The following SMARCA5 variants were observed in gnomAD, a reference collection of about 807,000 sequenced individuals.
SMARCA5 encodes the protein SWI/SNF-related matrix-associated actin-dependent regulator of chromatin subfamily A member 5.
In SMARCA5, 18 loss-of-function variants were observed where a neutral mutation model predicts 140.4. The ratio of observed to expected loss-of-function variants is 0.13; its 90% CI spans 0.09 to 0.19. SMARCA5 has a LOEUF of 0.19. SMARCA5 is among the 10% of genes least tolerant of loss of function. The probability of loss-of-function intolerance (pLI) is 1.00; values close to 1 mark genes in which losing one functional copy is unlikely to be tolerated. For synonymous variants in SMARCA5, 449 were observed against 419.6 expected (o/e 1.07, Z -0.86); for missense variants, 606 against 1,276.8 (o/e 0.47, Z 8.01).
rs1578805816 is a variant in SMARCA5 at position 143,548,259 on chromosome 4, A to C, written c.2985+119A>C. 5 of 588,288 alleles carry C rather than the reference A, an allele frequency of 8.5e-6. 1 individual carries two copies. The East Asian group carries it at 1.4e-4, about 16-fold the overall frequency. The allele number at this position is 588,288 out of a possible 1,614,324, so 36.4% of individuals were successfully genotyped here. A position where few individuals can be genotyped will look rare whatever the true frequency, so the allele number is the denominator to read the frequency against. ...AGTAGACTTTTGTTACAATATTGTTAGTATCATAAAACCTAATACCAGGGA... is the reference window on the plus strand; with the variant it reads ...AGTAGACTTTTGTTACAATATTGTTCGTATCATAAAACCTAATACCAGGGA... On this transcript the variant is annotated intron_variant, in intron 22 of 23. Coordinates refer to ENST00000283131, the MANE Select transcript of SMARCA5 (RefSeq NM_003601.4).
chr4:143,517,435 T>A lies in SMARCA5; in HGVS notation c.252+6T>A. 6.3e-7 allele frequency: 1 copy of A among 1,591,406 alleles called. No homozygotes were observed. The highest frequency in any genetic ancestry group is 8.6e-7 in the Non-Finnish European group (1 of 1,167,598). On this transcript the variant is annotated splice_donor_region_variant and intron_variant, in intron 2 of 23. Coordinates refer to ENST00000283131, the MANE Select transcript of SMARCA5 (RefSeq NM_003601.4). ...CTACCTATGAAGAAAAAATGGTATGTTCTAGGCTTGTGAATAGAGTCTATA... is the reference window on the plus strand; with the variant it reads ...CTACCTATGAAGAAAAAATGGTATGATCTAGGCTTGTGAATAGAGTCTATA...
At chr4:143,538,483 GT>G in intron 11 of SMARCA5, 106 bp from the exon 12 acceptor site, 1 of 835,114 alleles carries the variant, frequency 1.2e-6, no homozygotes, top group Non-Finnish European at 1.9e-6. Flanking sequence ...TTGTAACCAA[GT>G]AGGTAGCTTT....
At chr4:143,515,619 A>C (rs1736813088) in intron 1 of SMARCA5, among the ~76,000 whole-genome samples, 1 of 152,226 alleles carries the variant, frequency 6.6e-6, no homozygotes. Context: ...AGTAATTTTA[A>C]GCCTAAAGCA....
intron 9 of SMARCA5, among the ~76,000 whole-genome samples, chr4:143,530,923 C>T (rs772131262): frequency 1.3e-5 from 2 of 152,198 alleles, no homozygotes; most frequent in Non-Finnish European, 2.9e-5. Flanking sequence ...CAAGCAGTCT[C>T]TCCCCATTCA....
chr4:143,549,665 A>G (rs1737603493), intron 22 of SMARCA5, among the ~76,000 whole-genome samples: 1 of 152,102 alleles, frequency 6.6e-6, no homozygotes, highest in African/African-American at 2.4e-5. Context: ...TAAGTTTTGG[A>G]TATAAGTAGC....
intron 11 of SMARCA5, 151 bp downstream of exon 11, chr4:143,536,829 C>G: frequency 1.6e-6 from 1 of 628,530 alleles, no homozygotes; most frequent in African/African-American, 1.8e-5. Flanking sequence ...GAGCTCTAAC[C>G]CCCACTCCTG....
chr4:143,525,534 A>G lies in SMARCA5; in HGVS notation c.604A>G (p.Ile202Val), dbSNP rs1303961293. The change falls in exon 5 of 24, where the codon ATC becomes GTC. Residue 202 changes from isoleucine (I) to valine (V), a missense_variant. Ile to Val is a conservative substitution (Grantham distance 29). Coordinates refer to ENST00000283131, the MANE Select transcript of SMARCA5 (RefSeq NM_003601.4). ...TTTGTATGAGAATGGCATCAATGGTATCCTTGCAGATGAAATGGTATGTGT... is the reference window on the plus strand; with the variant it reads ...TTTGTATGAGAATGGCATCAATGGTGTCCTTGCAGATGAAATGGTATGTGT... ...ISLYENGINGILADEMGLGKT... is the reference protein window; with the variant it reads ...ISLYENGINGVLADEMGLGKT... 13 of 1,608,468 alleles carry G rather than the reference A, an allele frequency of 8.1e-6. No homozygotes were observed. The highest frequency in any genetic ancestry group is 1.3e-5 in the African/African-American group (1 of 74,806).
At chr4:143,549,399 C>T (rs1023872629) in intron 22 of SMARCA5, among the ~76,000 whole-genome samples, 8 of 152,000 alleles carry the variant, frequency 5.3e-5, no homozygotes, top group Non-Finnish European at 8.8e-5. Flanking sequence ...AGATGGACTT[C>T]TGTTTCTTTC....
At chr4:143,514,346 A>C in intron 1 of SMARCA5, 1 of 479,580 alleles carries the variant, frequency 2.1e-6, no homozygotes, top group East Asian at 3.6e-5. Context: ...AATCCTGACA[A>C]ATATTTGAAC....
At chr4:143,533,786 G>A (rs1040932277) in intron 9 of SMARCA5, among the ~76,000 whole-genome samples, 21 of 152,184 alleles carry the variant, frequency 1.4e-4, no homozygotes, top group Middle Eastern at 6.8e-3. Flanking sequence ...CCATTCTTAG[G>A]CACTGTTAGA....
In SMARCA5 at chr4:143,547,432, A is replaced by G. The variant is rs1181658339; in HGVS notation, c.2701A>G (p.Met901Val). Residue 901 changes from methionine (M) to valine (V), a missense_variant, in exon 21 of 24, where the codon ATG becomes GTG. Transcript: ENST00000283131. The part of the protein sequence containing the change: ...CNELQDIEKI[M>V]AQIERGEARI... ...CGAGCTCCAGGACATAGAGAAGATT[A>G]TGGCTCAGATTGAAAGGGGAGAGGC... 1 of 1,610,904 alleles carries G rather than the reference A, an allele frequency of 6.2e-7. No individual in the cohort carries two copies. The highest frequency in any genetic ancestry group is 2.2e-5 in the East Asian group (1 of 44,798).
At chr4:143,520,312 A>G (rs747145004) in intron 2 of SMARCA5, among the ~76,000 whole-genome samples, 12 of 152,224 alleles carry the variant, frequency 7.9e-5, no homozygotes, top group Non-Finnish European at 1.6e-4. Context: ...CTTTAAAAAC[A>G]GTCTGTAATC....
chr4:143,525,197 C>T (rs1160220012), intron 4 of SMARCA5, among the ~76,000 whole-genome samples: 1 of 152,018 alleles, frequency 6.6e-6, no homozygotes, highest in Non-Finnish European at 1.5e-5. Flanking sequence ...ATATGGGTAA[C>T]GTAAGAACTG....
chr4:143,513,702 G>T lies in SMARCA5; in HGVS notation c.-223G>T. 1.8e-6 allele frequency: 1 copy of T among 564,322 alleles called. No homozygotes were observed. Among genetic ancestry groups the T allele is most frequent in the South Asian group, 2.2e-5 (1 of 45,482 alleles). The allele number at this position is 564,322 out of a possible 1,614,324, so 35.0% of individuals were successfully genotyped here. Reference sequence around the variant, plus strand: ...ACGTGATTCCCGCCGTGAGGTAAGCGCCGGTGGAACCTAGAGCCCCGCGGA... The same window carrying T: ...ACGTGATTCCCGCCGTGAGGTAAGCTCCGGTGGAACCTAGAGCCCCGCGGA... On this transcript the variant is annotated 5_prime_UTR_variant, in exon 1 of 24. Coordinates refer to ENST00000283131, the MANE Select transcript of SMARCA5 (RefSeq NM_003601.4).
chr4:143,514,377 C>T (rs1404008774), intron 1 of SMARCA5: 8 of 400,824 alleles, frequency 2.0e-5, no homozygotes, highest in Non-Finnish European at 2.7e-5. Context: ...AACAGATGTT[C>T]TTGGTTACCG....
intron 10 of SMARCA5, among the ~76,000 whole-genome samples, chr4:143,536,104 A>G (rs774015049): frequency 1.3e-5 from 2 of 152,202 alleles, no homozygotes; most frequent in Non-Finnish European, 2.9e-5. Flanking sequence ...AAAAAACTGC[A>G]AACTAAAATT....
At chr4:143,548,279 CAGGGAT>C in intron 22 of SMARCA5, 139 bp downstream of exon 22, 1 of 527,096 alleles carries the variant, frequency 1.9e-6, no homozygotes, top group East Asian at 2.8e-5. Flanking sequence ...AACCTAATAC[CAGGGAT>C]AGCTTACAAG....
Position 143,555,430 on chromosome 4 carries a change from G to C in SMARCA5, c.*2246G>C, listed in dbSNP as rs1737727127. 6.6e-6 allele frequency: 4 copies of C among 605,672 alleles called. No homozygotes were observed. The highest frequency in any genetic ancestry group is 6.6e-5 in the Admixed American group (3 of 45,784). The allele number at this position is 605,672 out of a possible 1,614,324, so 37.5% of individuals were successfully genotyped here. On this transcript the variant is annotated 3_prime_UTR_variant, in exon 24 of 24. Coordinates refer to ENST00000283131, the MANE Select transcript of SMARCA5 (RefSeq NM_003601.4). ...CACAGAACTTGATGACTGTATTTGT[G>C]ACTAATTGTATAATAGTTTCTGTTC... is the stretch of plus-strand genomic sequence containing the variant.
chr4:143,524,800 G>A (rs765058260), intron 4 of SMARCA5, among the ~76,000 whole-genome samples: 1 of 152,072 alleles, frequency 6.6e-6, no homozygotes, highest in Non-Finnish European at 1.5e-5. Context: ...GCTTACTTCT[G>A]ATGTTTTTAT....
Sources: gnomAD v4.1 joint callset for allele counts (sites outside exome capture counted in the v4.1 genomes callset) on GRCh38, gnomAD v4.1.1 for gene constraint, MANE v1.5 for transcripts, NCBI Gene and HGNC (gene_info 2026-07-23, HGNC 2026-07-21) for gene names.